The following EML5 variants were observed in gnomAD, a reference collection of about 807,000 sequenced individuals.
The protein encoded by EML5 is EMAP like 5, also known as echinoderm microtubule-associated protein-like 5.
In EML5, 120 loss-of-function variants were observed where a neutral mutation model predicts 250.0. The observed-to-expected ratio is 0.48, with a 90% CI of 0.41 to 0.56. EML5 has a LOEUF of 0.56. Among genes scored for constraint, EML5 ranks in the 20% least tolerant of loss-of-function variants. EML5 has a pLI of 0.00. For missense variants in EML5, 2,006 were observed against 2,437.6 expected, an observed-to-expected ratio of 0.82 and a Z score of 3.73; for synonymous variants, 771 against 806.5, an observed-to-expected ratio of 0.96 and a Z score of 0.75.
intron 33 of EML5, among the ~76,000 whole-genome samples, chr14:88,631,703 G>A (rs2090448768): frequency 6.6e-6 from 1 of 152,182 alleles, no homozygotes; most frequent in Admixed American, 6.5e-5. Flanking sequence ...CCGGGAGGCA[G>A]AGGTTGCAGT....
At position 88,696,177 on chromosome 14, in the gene EML5, A is replaced by G. The variant is rs1380829206; in HGVS notation, c.2344+670T>C. ...AGCAACTCTTTGAATATATATATATATATATATATTTCCCTCTGAACTCTA... is the reference window on the plus strand; with the variant it reads ...AGCAACTCTTTGAATATATATATATGTATATATATTTCCCTCTGAACTCTA... On this transcript the variant is annotated intron_variant, in intron 15 of 43. Coordinates refer to ENST00000554922, the MANE Select transcript of EML5 (RefSeq NM_183387.3). Among the ~76,000 whole-genome samples, 11 of 151,498 alleles carry G rather than the reference A, an allele frequency of 7.3e-5. No individual in the cohort carries two copies. In the East Asian group the frequency reaches 1.2e-3, roughly 16 times the overall value.
chr14:88,701,170 C>T (rs911772457), intron 14 of EML5, among the ~76,000 whole-genome samples: 1 of 152,110 alleles, frequency 6.6e-6, no homozygotes, highest in African/African-American at 2.4e-5. Context: ...ATTTTGCCTT[C>T]CAAGGGACAT....
chr14:88,713,334 G>C lies in EML5; in HGVS notation c.1445-851C>G, dbSNP rs73327328. 1.4e-3 allele frequency among the ~76,000 whole-genome samples: 219 copies of C among 151,920 alleles called. 2 individuals carry two copies. The highest frequency in any genetic ancestry group is 5.2e-3 in the African/African-American group (215 of 41,418). ...CTGAACCTGGGAGGCAGAGGCTGTA[G>C]TGAGCTAAGAACATGCCACTACACT... On this transcript the variant is annotated intron_variant, in intron 9 of 43. Transcript: ENST00000554922.
chr14:88,708,325 A>G (rs2093351315), intron 10 of EML5, among the ~76,000 whole-genome samples: 1 of 152,096 alleles, frequency 6.6e-6, no homozygotes, highest in African/African-American at 2.4e-5. Context: ...ATTCTCTGTG[A>G]TTACCCCTTG....
intron 9 of EML5, among the ~76,000 whole-genome samples, chr14:88,713,287 G>A (rs1026848849): frequency 6.6e-6 from 1 of 151,970 alleles, no homozygotes; most frequent in Non-Finnish European, 1.5e-5. Flanking sequence ...AGCTACTCGG[G>A]AGGCTGAGGT....
intron 21 of EML5, among the ~76,000 whole-genome samples, chr14:88,679,257 A>G (rs530075299): frequency 2.0e-5 from 3 of 151,402 alleles, no homozygotes; most frequent in African/African-American, 4.9e-5. Flanking sequence ...GAACTTCAAC[A>G]TATCTTTTCA....
chr14:88,659,833 C>G (rs2092014858), intron 25 of EML5, among the ~76,000 whole-genome samples: 1 of 152,100 alleles, frequency 6.6e-6, no homozygotes, highest in African/African-American at 2.4e-5. Flanking sequence ...GTTTTCATTT[C>G]AATGCTGATC....
chr14:88,752,192 T>C (rs1354655527), intron 2 of EML5, among the ~76,000 whole-genome samples: 2 of 152,298 alleles, frequency 1.3e-5, no homozygotes, highest in African/African-American at 2.4e-5. Context: ...GCATGATTTC[T>C]CCTTGGATAT....
Position 88,746,192 on chromosome 14 carries a change from G to C in EML5, c.449C>G (p.Thr150Arg). Residue 150 changes from threonine to arginine, a missense_variant, in exon 3 of 44, where the codon ACA (threonine) becomes AGA (arginine). Thr to Arg is a moderately conservative substitution (Grantham distance 71, BLOSUM62 -1). This residue lies in a region of EML5 where 162 missense variants were observed against 212.2 expected (regional missense o/e 0.76). Transcript: ENST00000554922. ...TCAAAAGAGAATACTTACTCTATCT[G>C]TATGACCAGGAGCCATAGACAACAT... Reference protein sequence around the residue: ...GKMLSMAPGHTDRIFDISWDL... With the variant: ...GKMLSMAPGHRDRIFDISWDL... 1.2e-6 allele frequency: 2 copies of C among 1,610,866 alleles called. No individual in the cohort carries two copies. Among genetic ancestry groups the C allele is most frequent in the Non-Finnish European group, 1.7e-6 (2 of 1,177,588 alleles).
chr14:88,661,749 T>C lies in EML5; in HGVS notation c.3580A>G (p.Thr1194Ala). Residue 1194 changes from threonine to alanine, a missense_variant, in exon 25 of 44, where the codon ACA becomes GCA. By Grantham distance (58) the Thr-to-Ala change is moderately conservative. This residue lies in a region of EML5 where 1,375 missense variants were observed against 1,590.3 expected (regional missense o/e 0.86). Transcript: ENST00000554922. The stretch of plus-strand genomic sequence containing the variant: ...GTGAGGCAAGAAGCAGTTACATCTG[T>C]AACTTCTCCAATTACTGGCCAAATT... ...EGIWPVIGEV[T>A]DVTASCLTSD... The C allele has an allele frequency of 1.2e-6, 2 of 1,613,736 alleles. No individual in the cohort carries two copies. Among genetic ancestry groups the C allele is most frequent in the East Asian group, 2.2e-5 (1 of 44,836 alleles).
At chr14:88,669,248 T>C (rs1380399374) in intron 21 of EML5, among the ~76,000 whole-genome samples, 1 of 152,160 alleles carries the variant, frequency 6.6e-6, no homozygotes, top group Admixed American at 6.5e-5. Context: ...AGATTCTCAG[T>C]GGCCACTTAG....
intron 1 of EML5, among the ~76,000 whole-genome samples, chr14:88,765,121 TCACAAATTAC>T (rs56964022): frequency 0.24 from 36,776 of 151,962 alleles, 4,572 homozygotes; most frequent in East Asian, 0.37. Context: ...TATGCTGATG[TCACAAATTAC>T]CATAAATTTA....
chr14:88,618,693 A>G lies in EML5; in HGVS notation c.5495T>C (p.Phe1832Ser), dbSNP rs2088220856. 6.2e-7 allele frequency: 1 copy of G among 1,612,480 alleles called. No homozygotes were observed. The highest frequency in any genetic ancestry group is 1.7e-5 in the Admixed American group (1 of 59,844). Residue 1832 changes from phenylalanine (F) to serine (S), a missense_variant, in exon 40 of 44, where the codon TTT becomes TCT. By Grantham distance (155) the Phe-to-Ser change is radical. Coordinates refer to ENST00000554922, the MANE Select transcript of EML5 (RefSeq NM_183387.3). ...RISYCKDIPS[F>S]VIQMDFSADS... ...TGCAGAGAAGTCCATTTGAATGACA[A>G]AGCTTGGAATGTCTTTGCAGTAGCT...
intron 16 of EML5, 52 bp from the exon 17 acceptor site, chr14:88,694,459 T>A (rs2093030263): frequency 8.0e-7 from 1 of 1,257,776 alleles, no homozygotes; most frequent in African/African-American, 1.5e-5. Flanking sequence ...ATTCCTGTAT[T>A]AATCTCTTGC....
chr14:88,754,704 T>C (rs779722367), intron 1 of EML5, 33 bp from the exon 2 acceptor site: 2 of 1,543,458 alleles, frequency 1.3e-6, no homozygotes, highest in Non-Finnish European at 1.8e-6. Context: ...AGTAGTATTA[T>C]TAAAAATTGC....
At position 88,704,939 on chromosome 14, in the gene EML5, T is replaced by G; in HGVS notation, c.1972A>C (p.Lys658Gln). ...GAAGTAGCACTTTTTTGTTTCTCTT[T>G]GCACTGTTCTTTAAGCTGAGGTAGA... The part of the protein sequence containing the change: ...EDLPQLKEQC[K>Q]EKQKSATSKR... Residue 658 changes from lysine (K) to glutamine (Q), a missense_variant, in exon 13 of 44, where the codon AAA becomes CAA. Transcript: ENST00000554922. 1 of 1,613,106 alleles carries G rather than the reference T, an allele frequency of 6.2e-7. No individual in the cohort carries two copies. The highest frequency in any genetic ancestry group is 1.1e-5 in the South Asian group (1 of 91,020).
At chr14:88,752,656 G>C (rs951090191) in intron 2 of EML5, among the ~76,000 whole-genome samples, 31 of 152,196 alleles carry the variant, frequency 2.0e-4, no homozygotes, top group Admixed American at 5.2e-4. Flanking sequence ...TCCCTGGCAA[G>C]GGTTCCACCC....
intron 20 of EML5, among the ~76,000 whole-genome samples, chr14:88,682,610 C>T (rs1424667722): frequency 6.6e-6 from 1 of 152,096 alleles, no homozygotes; most frequent in Admixed American, 6.6e-5. Context: ...GAACACTAGG[C>T]TCTCTCTCCC....
At chr14:88,778,210 T>G (rs770667336) in intron 1 of EML5, among the ~76,000 whole-genome samples, 1 of 151,230 alleles carries the variant, frequency 6.6e-6, no homozygotes, top group Non-Finnish European at 1.5e-5. Context: ...AAATAAGACC[T>G]GAACGAAAGA....
Sources: allele counts gnomAD v4.1 joint callset (sites outside exome capture counted in the v4.1 genomes callset), GRCh38; gene constraint gnomAD v4.1.1; regional missense constraint gnomAD v4.1.1; transcripts MANE v1.5; gene names NCBI Gene and HGNC (gene_info 2026-07-23, HGNC 2026-07-21).